The following STXBP3 variants were observed in gnomAD, a reference collection of about 807,000 sequenced individuals.
The protein encoded by STXBP3 is syntaxin-binding protein 3.
A neutral mutation model predicts 85.7 loss-of-function variants in STXBP3; 41 were observed. The observed-to-expected ratio is 0.48, with a 90% CI of 0.37 to 0.62. The LOEUF is 0.62. Ranked by LOEUF, STXBP3 falls within the 20% of genes least tolerant of loss-of-function variation. STXBP3 has a pLI of 0.00. For missense variants in STXBP3, 563 were observed against 703.1 expected (o/e 0.80, Z 2.25); for synonymous variants, 229 against 231.7 (o/e 0.99, Z 0.10).
chr1:108,794,970 A>T, intron 13 of STXBP3, 63 bp downstream of exon 13: 1 of 1,445,034 alleles, frequency 6.9e-7, no homozygotes, highest in Admixed American at 2.1e-5. Context: ...TTTGTAAGTT[A>T]AAACCTAACT....
Position 108,765,570 on chromosome 1 carries a change from A to ATTTTTTTTTTTTTTTTTTTTTTTTTTTT in STXBP3, c.438+5507_438+5508insTTTTTTTTTTTTTTTTTTTTTTTTTTTT. 3.0e-5 allele frequency among the ~76,000 whole-genome samples: 2 copies of ATTTTTTTTTTTTTTTTTTTTTTTTTTTT among 67,168 alleles called. 1 individual carries two copies. The highest frequency in any genetic ancestry group is 8.5e-4 in the South Asian group (2 of 2,340). The allele number at this position is 67,168 out of a possible 152,430, so 44.1% of individuals were successfully genotyped here. ...TCATGGTAAAAAGCACCACATGCTA[A>ATTTTTTTTTTTTTTTTTTTTTTTTTTTT]TTTTTTTTTTTTTTTTTTTTTTGAG... On this transcript the variant is annotated intron_variant, in intron 6 of 18. Transcript: ENST00000370008.
intron 18 of STXBP3, 27 bp downstream of exon 18, chr1:108,807,576 GTTTTTTTTT>G: frequency 7.4e-7 from 1 of 1,342,464 alleles, no homozygotes; most frequent in Non-Finnish European, 9.9e-7. Flanking sequence ...CTTCTTTTCT[GTTTTTTTTT>G]TTTTTTTTGA....
chr1:108,756,979 T>TA (rs1662035702), intron 4 of STXBP3: 1 of 341,062 alleles, frequency 2.9e-6, no homozygotes, highest in East Asian at 4.8e-5. Flanking sequence ...TTTCCCCATA[T>TA]ATGAAAGCAG....
intron 6 of STXBP3, among the ~76,000 whole-genome samples, chr1:108,768,125 TTC>T (rs1215966570): frequency 2.0e-5 from 3 of 152,152 alleles, no homozygotes; most frequent in Non-Finnish European, 4.4e-5. Flanking sequence ...AGGAGGGAGA[TTC>T]TCTTTTTAAA....
At chr1:108,793,732 G>A in intron 12 of STXBP3, 85 bp downstream of exon 12, 1 of 1,160,880 alleles carries the variant, frequency 8.6e-7, no homozygotes, top group Non-Finnish European at 1.2e-6. Context: ...TTTAGCAGTG[G>A]GTTTCGTGGA....
At chr1:108,807,112 C>T (rs964967686) in intron 17 of STXBP3, among the ~76,000 whole-genome samples, 3 of 152,014 alleles carry the variant, frequency 2.0e-5, no homozygotes, top group Admixed American at 6.6e-5. Context: ...ATTAGCTGGG[C>T]ATGGTGGCAC....
At chr1:108,767,128 GGA>G (rs1161920260) in intron 6 of STXBP3, 1 of 314,700 alleles carries the variant, frequency 3.2e-6, no homozygotes, top group East Asian at 9.7e-5. Context: ...ACAACAACTT[GGA>G]CATAGGACTG....
At chr1:108,772,166 TATG>T (rs1246230212) in intron 6 of STXBP3, among the ~76,000 whole-genome samples, 24 of 39,562 alleles carry the variant, frequency 6.1e-4, no homozygotes, top group Non-Finnish European at 8.6e-4. Flanking sequence ...TATAAATACA[TATG>T]ATATCTATCT....
In STXBP3 at chr1:108,798,406, C is replaced by CTT. The variant is rs781000610; in HGVS notation, c.1449+189_1449+190dup. ...TGGGAAACTCTTGAAGATTCTTCTT[C>CTT]TTTTTTTTTTTTTTTTTTTTTCTTT... On this transcript the variant is annotated intron_variant, in intron 16 of 18. Coordinates refer to ENST00000370008, the MANE Select transcript of STXBP3 (RefSeq NM_007269.4). Among the ~76,000 whole-genome samples the CTT allele has an allele frequency of 3.3e-3, 333 of 101,584 alleles. 6 individuals are homozygous for CTT. The highest frequency in any genetic ancestry group is 0.01 in the East Asian group (32 of 3,162). The allele number at this position is 101,584 out of a possible 152,430, so 66.6% of individuals were successfully genotyped here.
Position 108,807,375 on chromosome 1 carries a change from T to C in STXBP3, c.1536-26T>C, listed in dbSNP as rs773095656. 95 of 712,338 alleles carry C rather than the reference T, an allele frequency of 1.3e-4. No individual in the cohort carries two copies. In the African/African-American group the frequency reaches 1.6e-3, roughly 12 times the overall value. The allele number at this position is 712,338 out of a possible 1,614,324, so 44.1% of individuals were successfully genotyped here. A position where few individuals can be genotyped will look rare whatever the true frequency, so the allele number is the denominator to read the frequency against. On this transcript the variant is annotated intron_variant, in intron 17 of 18. Coordinates refer to ENST00000370008, the MANE Select transcript of STXBP3 (RefSeq NM_007269.4). ...TTGGAAATGTTTATAACATGTTTACTTTTTTTTTTTTAAATTACTTTTTAG... is the reference window on the plus strand; with the variant it reads ...TTGGAAATGTTTATAACATGTTTACCTTTTTTTTTTTAAATTACTTTTTAG...
chr1:108,758,404 A>C, intron 4 of STXBP3, 106 bp from the exon 5 acceptor site: 1 of 545,482 alleles, frequency 1.8e-6, no homozygotes, highest in East Asian at 3.6e-5. Flanking sequence ...TTAGCCAGTA[A>C]AGTTTTATTT....
intron 11 of STXBP3, among the ~76,000 whole-genome samples, chr1:108,791,252 CTG>C (rs1174893809): frequency 2.0e-5 from 3 of 152,030 alleles, no homozygotes; most frequent in Non-Finnish European, 4.4e-5. Context: ...TGAAGATAAA[CTG>C]TGTTTATTAA....
intron 3 of STXBP3, among the ~76,000 whole-genome samples, chr1:108,755,438 C>A (rs1661998689): frequency 6.6e-6 from 1 of 151,576 alleles, no homozygotes; most frequent in African/African-American, 2.4e-5. Flanking sequence ...CAAAATGAGA[C>A]CTTATTTCAA....
intron 11 of STXBP3, among the ~76,000 whole-genome samples, chr1:108,789,886 C>T (rs571583773): frequency 2.0e-5 from 3 of 151,062 alleles, no homozygotes; most frequent in Admixed American, 6.6e-5. Context: ...GCCAACATGG[C>T]GAAACCCCAT....
intron 11 of STXBP3, among the ~76,000 whole-genome samples, chr1:108,785,255 C>T (rs1359985093): frequency 6.6e-6 from 1 of 152,212 alleles, no homozygotes. Context: ...CCGGCCTGGA[C>T]ATCCAGACAT....
chr1:108,806,143 A>T (rs1332219770), intron 17 of STXBP3, among the ~76,000 whole-genome samples: 1 of 151,278 alleles, frequency 6.6e-6, no homozygotes, highest in Non-Finnish European at 1.5e-5. Flanking sequence ...AAAGCTAAAA[A>T]TTTTTACCAG....
At chr1:108,747,070 G>A (rs1475884182) in intron 1 of STXBP3, among the ~76,000 whole-genome samples, 1 of 151,004 alleles carries the variant, frequency 6.6e-6, no homozygotes, top group African/African-American at 2.5e-5. Flanking sequence ...TGAGCCGCCC[G>A]GCCCGGCTTT....
At chr1:108,784,331 G>A (rs556823060) in intron 11 of STXBP3, among the ~76,000 whole-genome samples, 9 of 152,262 alleles carry the variant, frequency 5.9e-5, no homozygotes, top group Admixed American at 3.9e-4. Flanking sequence ...CCACATGGCT[G>A]GGGAGGCCTC....
chr1:108,787,548 ATTT>A (rs149799815), intron 11 of STXBP3, among the ~76,000 whole-genome samples: 24 of 147,602 alleles, frequency 1.6e-4, no homozygotes, highest in African/African-American at 4.9e-4. Context: ...TACGTTTAAA[ATTT>A]TTTTTTTTTA....
Sources: gnomAD v4.1 joint callset for allele counts (sites outside exome capture counted in the v4.1 genomes callset) on GRCh38, gnomAD v4.1.1 for gene constraint, MANE v1.5 for transcripts, NCBI Gene and HGNC (gene_info 2026-07-23, HGNC 2026-07-21) for gene names.